STRA8: variants seen among roughly 807,000 people sequenced by gnomAD.
STRA8 encodes the protein stimulated by retinoic acid 8.
Under a neutral mutation model 37.1 loss-of-function variants are expected in STRA8, and 18 were observed. That is an observed-to-expected ratio of 0.48 (90% CI 0.34 to 0.72). The LOEUF (loss-of-function observed/expected upper bound fraction) is 0.72. Ranked by LOEUF, STRA8 falls within the 30% of genes least tolerant of loss-of-function variation. The pLI is 0.01. For missense variants in STRA8, 357 were observed against 410.4 expected (o/e 0.87, Z 1.13); for synonymous variants, 168 against 162.9 (o/e 1.03, Z -0.24).
upstream of STRA8, chr7:135,232,091 C>A: frequency 9.1e-6 from 12 of 1,325,444 alleles, no homozygotes; most frequent in Non-Finnish European, 1.1e-5. Context: ...TTTCTGGGTG[C>A]ACATCTGCTT....
rs775897039 is a variant in STRA8 at position 135,242,823 on chromosome 7, G to T, written c.235G>T (p.Glu79Ter). Residue 79 changes from glutamate (E) to a stop codon, truncating the protein, a stop_gained, in exon 3 of 9, where the codon GAG becomes TAG. Transcript: ENST00000662584. LOFTEE classifies it high-confidence loss of function. ...GGCAAAGAGTCATATTCCAGAACTG[G>T]AGCAAACCCTGGATAATTTGCTGAA... ...NKAKSHIPELEQTLDNLLKLK... is the reference protein window; with the variant it reads ...NKAKSHIPEL 1 of 1,614,082 alleles carries T rather than the reference G, an allele frequency of 6.2e-7. No individual in the cohort carries two copies. Among genetic ancestry groups the T allele is most frequent in the Non-Finnish European group, 8.5e-7 (1 of 1,180,036 alleles).
intron 1 of STRA8, among the ~76,000 whole-genome samples, chr7:135,236,026 T>A (rs940068415): frequency 6.6e-6 from 1 of 151,696 alleles, no homozygotes; most frequent in Non-Finnish European, 1.5e-5. Flanking sequence ...TACTTGAGCC[T>A]AGGAGTTTGA....
intron 1 of STRA8, 100 bp from the exon 2 acceptor site, chr7:135,240,419 G>A (rs1832443478): frequency 1.7e-6 from 2 of 1,176,266 alleles, no homozygotes; most frequent in Admixed American, 2.3e-5. Flanking sequence ...TACTTGGGAA[G>A]GGTACCTCCT....
rs537640095 is a variant in STRA8 at position 135,246,676 on chromosome 7, T to G, written c.853T>G (p.Cys285Gly). ...DSGVDSQGAS[C>G]SLVSTPEEIL... The stretch of plus-strand genomic sequence containing the variant: ...CGGCGTGGACAGCCAGGGGGCCAGC[T>G]GCTCGCTGGTCTCCACGCCCGAGGA... The change falls in exon 6 of 9, where the codon TGC becomes GGC. Residue 285 changes from cysteine to glycine, a missense_variant. Physicochemically the swap from Cys to Gly is radical, Grantham distance 159. Transcript: ENST00000662584. The surrounding 1 kb of genome is among the most constrained non-coding windows in gnomAD (Gnocchi z 5.4). 7.8e-6 allele frequency: 12 copies of G among 1,529,388 alleles called. No individual in the cohort carries two copies. The African/African-American group carries it at 1.5e-4, about 19-fold the overall frequency. The allele number at this position is 1,529,388 out of a possible 1,614,324, so 94.7% of individuals were successfully genotyped here.
chr7:135,240,444 A>G (rs1173728611), intron 1 of STRA8, 75 bp from the exon 2 acceptor site: 4 of 1,487,366 alleles, frequency 2.7e-6, no homozygotes, highest in African/African-American at 2.8e-5. Flanking sequence ...GCCTGCCTCA[A>G]TTTGCCTTCC....
Position 135,246,407 on chromosome 7 carries a change from T to C in STRA8, c.594-10T>C. The C allele has an allele frequency of 6.3e-7, 1 of 1,595,678 alleles. No individual in the cohort carries two copies. On this transcript the variant is annotated splice_polypyrimidine_tract_variant and intron_variant, in intron 5 of 8. Transcript: ENST00000662584. The surrounding 1 kb of genome is among the most constrained non-coding windows in gnomAD (Gnocchi z 5.4). ...TTTAGGGGTGCGAGACGGCGCCGCT[T>C]CTGTTCCAGGTATCTCAACTTTTAC...
At chr7:135,243,138 A>T (rs895317347) in intron 3 of STRA8, among the ~76,000 whole-genome samples, 188 bp from the exon 4 acceptor site, 1 of 152,128 alleles carries the variant, frequency 6.6e-6, no homozygotes, top group Non-Finnish European at 1.5e-5. Context: ...CCAGAGGAAA[A>T]GTGGGCTCCT....
chr7:135,255,566 T>C (rs1408869785), intron 8 of STRA8, among the ~76,000 whole-genome samples: 4 of 152,248 alleles, frequency 2.6e-5, no homozygotes. Flanking sequence ...GAGCTTTGCC[T>C]GCTGTCAGAT....
Position 135,257,770 on chromosome 7 carries a change from C to A in STRA8, c.1066-648C>A, listed in dbSNP as rs184592192. Among the ~76,000 whole-genome samples the A allele has an allele frequency of 3.5e-3, 534 of 152,268 alleles. 3 individuals are homozygous for A. The highest frequency in any genetic ancestry group is 0.012 in the African/African-American group (493 of 41,536). On this transcript the variant is annotated intron_variant, in intron 8 of 8. Coordinates refer to ENST00000662584, the MANE Select transcript of STRA8 (RefSeq NM_001394401.1). ...AAAAATATCATCTCCTAATAGGTAA[C>A]CCATATACATGGCATAAAATTTACA...
chr7:135,240,781 G>T, intron 2 of STRA8, 65 bp downstream of exon 2: 1 of 1,574,038 alleles, frequency 6.4e-7, no homozygotes, highest in Non-Finnish European at 8.7e-7. Context: ...CACAGGTGGA[G>T]GGACTGTGTT....
intron 7 of STRA8, among the ~76,000 whole-genome samples, chr7:135,253,216 G>A (rs1832660203): frequency 6.6e-6 from 1 of 152,220 alleles, no homozygotes; most frequent in South Asian, 2.1e-4. Flanking sequence ...TTACAGGCGT[G>A]AGCCACAGCG....
rs1832334940 is a variant in STRA8, at chr7:135,234,128, C to T, written c.-7+225C>T. 1.3e-5 allele frequency among the ~76,000 whole-genome samples: 2 copies of T among 150,988 alleles called. 1 individual carries two copies. The highest frequency in any genetic ancestry group is 4.9e-5 in the African/African-American group (2 of 40,868). ...GATTATTATTATTATCATTTTGAGA[C>T]GGAGTTTCGCTCTTGTCACCCAGGC... On this transcript the variant is annotated intron_variant, in intron 1 of 8. Coordinates refer to ENST00000662584, the MANE Select transcript of STRA8 (RefSeq NM_001394401.1).
At chr7:135,252,879 G>C (rs1275961832) in intron 7 of STRA8, among the ~76,000 whole-genome samples, 1 of 152,098 alleles carries the variant, frequency 6.6e-6, no homozygotes, top group East Asian at 1.9e-4. Context: ...GCACCTTCTG[G>C]ATAAAATTCA....
chr7:135,236,120 A>G (rs1832373267), intron 1 of STRA8, among the ~76,000 whole-genome samples: 1 of 152,050 alleles, frequency 6.6e-6, no homozygotes, highest in Admixed American at 6.5e-5. Flanking sequence ...TAGGAAAAAA[A>G]AAAACCTTAA....
chr7:135,244,686 T>C (rs1431202327), intron 4 of STRA8, among the ~76,000 whole-genome samples: 1 of 152,250 alleles, frequency 6.6e-6, no homozygotes, highest in Non-Finnish European at 1.5e-5. Context: ...GCAACCTTGC[T>C]AAATTCCCTT....
intron 6 of STRA8, among the ~76,000 whole-genome samples, chr7:135,248,470 G>A (rs974101027): frequency 3.9e-5 from 6 of 152,114 alleles, no homozygotes; most frequent in East Asian, 3.8e-4. Flanking sequence ...TGGGGAGGCC[G>A]AGCAAGGTGG....
chr7:135,253,799 G>A (rs1832669507), intron 7 of STRA8, among the ~76,000 whole-genome samples: 1 of 152,166 alleles, frequency 6.6e-6, no homozygotes, highest in South Asian at 2.1e-4. Context: ...CTGCTATCAT[G>A]GCTAAAAAGA....
At chr7:135,258,162 C>A (rs1357973852) in intron 8 of STRA8, among the ~76,000 whole-genome samples, 2 of 152,124 alleles carry the variant, frequency 1.3e-5, no homozygotes, top group Non-Finnish European at 2.9e-5. Flanking sequence ...CTGGAAATCC[C>A]CAGGATAAAA....
At position 135,245,450 on chromosome 7, in the gene STRA8, G is replaced by GGAA; in HGVS notation, c.518_519insAGA (p.Glu178dup). 1 of 722,142 alleles carries GGAA rather than the reference G, an allele frequency of 1.4e-6. No homozygotes were observed. The highest frequency in any genetic ancestry group is 1.4e-5 in the South Asian group (1 of 68,984). The allele number at this position is 722,142 out of a possible 1,614,324, so 44.7% of individuals were successfully genotyped here. On this transcript the variant is annotated inframe_insertion, in exon 5 of 9. Transcript: ENST00000662584. The stretch of plus-strand genomic sequence containing the variant: ...AGGAGGAAGAGGAGGAAGAGGAAGA[G>GGAA]GAGGAGGAGGAAGAGGAGAAAAAAG...
Sources: allele counts gnomAD v4.1 joint callset (sites outside exome capture counted in the v4.1 genomes callset), GRCh38; gene constraint gnomAD v4.1.1; non-coding constraint Gnocchi (gnomAD v3.1); transcripts MANE v1.5; gene names NCBI Gene and HGNC (gene_info 2026-07-23, HGNC 2026-07-21).